Variants in WDR7 observed in about 807,000 individuals in gnomAD.
The protein encoded by WDR7 is WD repeat-containing protein 7.
A neutral mutation model predicts 169.4 loss-of-function variants in WDR7; 46 were observed. The observed-to-expected ratio is 0.27, with a 90% CI of 0.21 to 0.35. WDR7 has a LOEUF of 0.35. Among genes scored for constraint, WDR7 ranks in the 10% least tolerant of loss-of-function variants. The pLI is 1.00. For missense variants in WDR7, 1,534 were observed against 1,859.3 expected (o/e 0.83, Z 3.22); for synonymous variants, 612 against 666.8 (o/e 0.92, Z 1.27).
intron 26 of WDR7, chr18:57,010,365 AATTAT>A: frequency 1.1e-6 from 1 of 879,068 alleles, no homozygotes; most frequent in South Asian, 5.2e-5. Context: ...CATTTATCTA[AATTAT>A]ATTAGTATTC....
chr18:56,731,609 A>ATGTGGGCCCATG lies in WDR7; in HGVS notation c.1989+13_1989+24dup, dbSNP rs774721798. 1 of 1,611,900 alleles carries ATGTGGGCCCATG rather than the reference A, an allele frequency of 6.2e-7. No individual in the cohort carries two copies. The highest frequency in any genetic ancestry group is 1.1e-5 in the South Asian group (1 of 90,966). ...AGGCATCTGACAAGGTAAGTTTTATATGTGGGCCCATGAAGTGTGTAGACC... is the reference window on the plus strand; with the variant it reads ...AGGCATCTGACAAGGTAAGTTTTATATGTGGGCCCATGTGTGGGCCCATGAAGTGTGTAGACC... On this transcript the variant is annotated intron_variant, in intron 14 of 27. Transcript: ENST00000254442.
chr18:56,667,369 C>T (rs1358990707), intron 1 of WDR7, among the ~76,000 whole-genome samples: 1 of 152,158 alleles, frequency 6.6e-6, no homozygotes, highest in Non-Finnish European at 1.5e-5. Context: ...TTTGGTTTAT[C>T]TGTCTTTAGT....
intron 12 of WDR7, among the ~76,000 whole-genome samples, chr18:56,707,821 G>A (rs1458804595): frequency 6.6e-6 from 1 of 152,124 alleles, no homozygotes; most frequent in Non-Finnish European, 1.5e-5. Flanking sequence ...CAGGCTTAAA[G>A]AGCAAGCCAG....
chr18:56,824,323 TTAA>T (rs2045158484), intron 20 of WDR7, among the ~76,000 whole-genome samples: 1 of 152,242 alleles, frequency 6.6e-6, no homozygotes, highest in Non-Finnish European at 1.5e-5. Context: ...CTCTTGCAGC[TTAA>T]TAATATGTAG....
At chr18:56,694,886 A>G (rs901968553) in intron 10 of WDR7, 64 bp from the exon 11 acceptor site, 4 of 1,553,908 alleles carry the variant, frequency 2.6e-6, no homozygotes, top group Admixed American at 2.0e-5. Context: ...CATTATTTTA[A>G]TGTTTTAAAT....
chr18:56,915,957 C>A (rs1049868300), intron 21 of WDR7, among the ~76,000 whole-genome samples: 2 of 152,126 alleles, frequency 1.3e-5, no homozygotes. Flanking sequence ...CATTTTCCTC[C>A]GTCAGCCTCC....
At chr18:56,962,887 AT>A (rs1336183225) in intron 26 of WDR7, among the ~76,000 whole-genome samples, 3 of 152,194 alleles carry the variant, frequency 2.0e-5, no homozygotes, top group Admixed American at 6.5e-5. Flanking sequence ...TTGAACAAAA[AT>A]TAATTTTCTC....
intron 19 of WDR7, among the ~76,000 whole-genome samples, chr18:56,788,836 T>C (rs1440550318): frequency 6.6e-6 from 1 of 152,216 alleles, no homozygotes; most frequent in East Asian, 1.9e-4. Context: ...TGATTATGCA[T>C]TGTGATTAGA....
intron 27 of WDR7, among the ~76,000 whole-genome samples, chr18:57,023,184 T>C (rs1204626857): frequency 6.6e-6 from 1 of 152,224 alleles, no homozygotes; most frequent in Non-Finnish European, 1.5e-5. Context: ...GTTGTCTTAT[T>C]TGAATTAAGA....
intron 13 of WDR7, among the ~76,000 whole-genome samples, chr18:56,725,011 C>T (rs192942273): frequency 2.0e-5 from 3 of 151,918 alleles, no homozygotes; most frequent in Admixed American, 2.0e-4. Context: ...GCATAGTATT[C>T]CATGGTGTAT....
chr18:56,688,803 C>T (rs1349424693), intron 7 of WDR7, among the ~76,000 whole-genome samples: 1 of 151,746 alleles, frequency 6.6e-6, no homozygotes, highest in Admixed American at 6.6e-5. Flanking sequence ...CCTTTCCCTT[C>T]CAGATAAGAG....
At chr18:56,922,413 T>A (rs1026318478) in intron 21 of WDR7, among the ~76,000 whole-genome samples, 1 of 152,192 alleles carries the variant, frequency 6.6e-6, no homozygotes, top group Non-Finnish European at 1.5e-5. Context: ...ACGTATGTGC[T>A]GGCAGAAAAT....
At chr18:56,915,063 A>G (rs150743544) in intron 21 of WDR7, among the ~76,000 whole-genome samples, 314 of 152,300 alleles carry the variant, frequency 2.1e-3, no homozygotes, top group African/African-American at 7.2e-3. Flanking sequence ...TAATTTCTTA[A>G]TTTAACAGTT....
intron 12 of WDR7, among the ~76,000 whole-genome samples, chr18:56,713,810 T>C (rs2026133807): frequency 6.6e-6 from 1 of 152,186 alleles, no homozygotes; most frequent in South Asian, 2.1e-4. Flanking sequence ...GTGAAGAAGC[T>C]GGGTGTAAAT....
chr18:56,675,389 G>A (rs2144538778), intron 2 of WDR7, among the ~76,000 whole-genome samples: 1 of 151,430 alleles, frequency 6.6e-6, no homozygotes, highest in African/African-American at 2.4e-5. Flanking sequence ...TTTTTTTTCA[G>A]CGATATTTTG....
chr18:56,662,199 A>G (rs779365723), intron 1 of WDR7, among the ~76,000 whole-genome samples: 6 of 152,204 alleles, frequency 3.9e-5, no homozygotes, highest in African/African-American at 7.2e-5. Context: ...CCTGCCTGGG[A>G]CACAAGAAGT....
chr18:56,815,554 T>C (rs2145213239), intron 19 of WDR7, among the ~76,000 whole-genome samples: 1 of 152,320 alleles, frequency 6.6e-6, no homozygotes, highest in African/African-American at 2.4e-5. Context: ...GTTATACTTT[T>C]TTTGGGTAGT....
intron 26 of WDR7, among the ~76,000 whole-genome samples, chr18:56,993,229 A>G (rs1417645852): frequency 2.0e-5 from 3 of 152,240 alleles, no homozygotes; most frequent in East Asian, 1.9e-4. Context: ...ATATGCATCT[A>G]TGAACTTAAG....
At chr18:56,691,476 A>C in intron 8 of WDR7, 115 bp downstream of exon 8, 2 of 1,189,634 alleles carry the variant, frequency 1.7e-6, no homozygotes, top group Non-Finnish European at 2.2e-6. Flanking sequence ...TTGATAAAAC[A>C]CTTCAGAACT....
Sources: gnomAD v4.1 joint callset for allele counts (sites outside exome capture counted in the v4.1 genomes callset) on GRCh38, gnomAD v4.1.1 for gene constraint, MANE v1.5 for transcripts, NCBI Gene and HGNC (gene_info 2026-07-23, HGNC 2026-07-21) for gene names.